Variants in NOSTRIN observed in about 807,000 individuals in gnomAD.
NOSTRIN encodes BM247 homolog.
In NOSTRIN, 63 loss-of-function variants were observed where a neutral mutation model predicts 59.0. The ratio of observed to expected loss-of-function variants is 1.07; its 90% CI spans 0.87 to 1.32. The LOEUF (loss-of-function observed/expected upper bound fraction) is 1.32. Ranked by LOEUF, NOSTRIN falls within the 40% of genes most tolerant of loss-of-function variation. The probability of loss-of-function intolerance (pLI) is 0.00; values close to 1 mark genes in which losing one functional copy is unlikely to be tolerated. For missense variants in NOSTRIN, 512 were observed against 473.1 expected, an observed-to-expected ratio of 1.08 and a Z score of -0.76; for synonymous variants, 200 against 165.4, an observed-to-expected ratio of 1.21 and a Z score of -1.61.
intron 1 of NOSTRIN, chr2:168,787,103 G>A (rs1219860140): frequency 6.6e-6 from 1 of 152,156 alleles, no homozygotes; most frequent in African/African-American, 2.4e-5. Context: ...CGTAACAGCT[G>A]CTTCTGGGAT....
rs1456495819 is a variant in NOSTRIN, at chr2:168,834,540, CA to C, written c.504+216del. ...ACACACACACACACACACACACACACACCACATACATTTTAAACTTTATTTT... is the reference window on the plus strand; with the variant it reads ...ACACACACACACACACACACACACACCCACATACATTTTAAACTTTATTTT... On this transcript the variant is annotated intron_variant, in intron 7 of 15. Transcript: ENST00000317647. 8.0e-5 allele frequency among the ~76,000 whole-genome samples: 12 copies of C among 149,770 alleles called. No homozygotes were observed. In the South Asian group the frequency reaches 8.6e-4, roughly 11 times the overall value.
intron 10 of NOSTRIN, among the ~76,000 whole-genome samples, chr2:168,854,940 T>C (rs992858520): frequency 3.9e-5 from 6 of 152,200 alleles, no homozygotes; most frequent in African/African-American, 1.4e-4. Flanking sequence ...TCAAAATGTC[T>C]TCCACTCCTG....
chr2:168,854,366 C>T (rs1688951981), intron 10 of NOSTRIN, among the ~76,000 whole-genome samples: 1 of 152,112 alleles, frequency 6.6e-6, no homozygotes, highest in Non-Finnish European at 1.5e-5. Flanking sequence ...TGCATCCTCC[C>T]CTCCCACCTT....
At chr2:168,859,296 G>T in intron 12 of NOSTRIN, 1 of 545,950 alleles carries the variant, frequency 1.8e-6, no homozygotes. Flanking sequence ...CCAGAGTACA[G>T]AATGAGACAC....
In NOSTRIN at chr2:168,864,902, G is replaced by T. The variant is rs1444050704; in HGVS notation, c.1453G>T (p.Gly485Cys). Residue 485 changes from glycine (G) to cysteine (C), a missense_variant, in exon 16 of 16, where the codon GGC becomes TGC. By Grantham distance (159) the Gly-to-Cys change is radical. Coordinates refer to ENST00000317647, the MANE Select transcript of NOSTRIN (RefSeq NM_001039724.4). Reference protein sequence around the residue: ...WWFGSLNGKKGHFPAAYVEEL... With the variant: ...WWFGSLNGKKCHFPAAYVEEL... ...GTTTGGATCTTTGAATGGGAAAAAA[G>T]GCCATTTTCCTGCCGCTTATGTGGA... 1.9e-6 allele frequency: 3 copies of T among 1,614,048 alleles called. No individual in the cohort carries two copies. Among genetic ancestry groups the T allele is most frequent in the Non-Finnish European group, 2.5e-6 (3 of 1,179,962 alleles).
At chr2:168,807,423 G>T (rs1685913859) in intron 1 of NOSTRIN, among the ~76,000 whole-genome samples, 1 of 152,168 alleles carries the variant, frequency 6.6e-6, no homozygotes, top group South Asian at 2.1e-4. Flanking sequence ...AAGGGTTTAT[G>T]CTGGGATAAT....
intron 2 of NOSTRIN, among the ~76,000 whole-genome samples, chr2:168,788,722 A>T (rs555172940): frequency 4.6e-5 from 7 of 152,274 alleles, no homozygotes; most frequent in African/African-American, 1.7e-4. Flanking sequence ...TGGAAAAGGG[A>T]GGTGTAAATA....
chr2:168,839,145 T>C (rs1687911441), intron 7 of NOSTRIN, among the ~76,000 whole-genome samples: 1 of 152,084 alleles, frequency 6.6e-6, no homozygotes, highest in African/African-American at 2.4e-5. Flanking sequence ...GCCAATCTCT[T>C]CAACATCACC....
upstream of NOSTRIN, among the ~76,000 whole-genome samples, chr2:168,796,798 G>T (rs754897108): frequency 1.3e-5 from 2 of 151,992 alleles, no homozygotes; most frequent in Admixed American, 6.6e-5. Context: ...TAGAGTTCCT[G>T]CCCAGAAGGT....
At chr2:168,842,967 G>C in intron 7 of NOSTRIN, 25 bp from the exon 8 acceptor site, 1 of 866,586 alleles carries the variant, frequency 1.2e-6, no homozygotes, top group South Asian at 1.3e-5. Context: ...GTTAGTAAAT[G>C]TGTGACATTG....
intron 7 of NOSTRIN, 50 bp from the exon 8 acceptor site, chr2:168,842,942 G>A (rs772703692): frequency 1.2e-5 from 10 of 854,044 alleles, no homozygotes; most frequent in South Asian, 5.5e-5. Context: ...AATTACAAAG[G>A]GCTTTCAAAA....
chr2:168,863,520 T>C (rs1689616319), intron 15 of NOSTRIN: 2 of 985,254 alleles, frequency 2.0e-6, no homozygotes, highest in African/African-American at 3.5e-5. Context: ...ACAAGAGCCA[T>C]GTTTCTTGTC....
At chr2:168,830,831 C>T (rs495074) in intron 5 of NOSTRIN, among the ~76,000 whole-genome samples, 63,021 of 151,954 alleles carry the variant, frequency 0.41, 13,729 homozygotes, top group South Asian at 0.6. Flanking sequence ...CATGGATTGA[C>T]GTGGAAGATG....
chr2:168,818,165 T>A (rs1182885619), intron 2 of NOSTRIN: 1 of 317,050 alleles, frequency 3.2e-6, no homozygotes, highest in Non-Finnish European at 6.6e-6. Context: ...TATTTTATGT[T>A]TTTTAGAGAT....
At chr2:168,830,750 G>T (rs764381153) in intron 5 of NOSTRIN, among the ~76,000 whole-genome samples, 4 of 152,202 alleles carry the variant, frequency 2.6e-5, no homozygotes, top group Non-Finnish European at 5.9e-5. Flanking sequence ...CACTTCAGGG[G>T]TAATGGAGAC....
chr2:168,848,939 ATAT>A (rs1248253545), intron 8 of NOSTRIN, among the ~76,000 whole-genome samples: 2 of 152,270 alleles, frequency 1.3e-5, no homozygotes, highest in Non-Finnish European at 2.9e-5. Flanking sequence ...ATGGCATGTC[ATAT>A]TATGTAAATT....
chr2:168,859,681 C>A (rs778835916), intron 13 of NOSTRIN, 44 bp downstream of exon 13: 7 of 1,606,312 alleles, frequency 4.4e-6, no homozygotes, highest in South Asian at 1.1e-5. Context: ...ATTGGGCCTG[C>A]TGGGTGGAGT....
At chr2:168,802,049 G>A (rs530940078), upstream of NOSTRIN, among the ~76,000 whole-genome samples, 219 of 152,220 alleles carry the variant, frequency 1.4e-3, 1 homozygote, top group Admixed American at 2.6e-3. Context: ...TGGGATTTAG[G>A]GGGTGGGGGA....
At chr2:168,834,398 A>C in intron 7 of NOSTRIN, 73 bp downstream of exon 7, 2 of 776,464 alleles carry the variant, frequency 2.6e-6, no homozygotes, top group Non-Finnish European at 4.6e-6. Flanking sequence ...CTACGAACAC[A>C]AGAGAACGGG....
Sources: allele counts gnomAD v4.1 joint callset (sites outside exome capture counted in the v4.1 genomes callset), GRCh38; gene constraint gnomAD v4.1.1; transcripts MANE v1.5; gene names NCBI Gene and HGNC (gene_info 2026-07-23, HGNC 2026-07-21).